Variants in SUPT16H observed in about 807,000 individuals in gnomAD.
The protein encoded by SUPT16H is SPT16 homolog, facilitates chromatin remodeling subunit.
A neutral mutation model predicts 136.2 loss-of-function variants in SUPT16H; 24 were observed. The observed-to-expected ratio is 0.18, with a 90% CI of 0.13 to 0.25. The LOEUF is 0.25. SUPT16H is among the 10% of genes least tolerant of loss of function. SUPT16H has a pLI of 1.00. For missense variants in SUPT16H, 623 were observed against 1,270.2 expected (o/e 0.49, Z 7.74); for synonymous variants, 415 against 428.2 (o/e 0.97, Z 0.38).
chr14:21,359,655 G>GT, intron 18 of SUPT16H, 46 bp from the exon 19 acceptor site: 1 of 1,594,952 alleles, frequency 6.3e-7, no homozygotes, highest in Non-Finnish European at 8.5e-7. Flanking sequence ...AAACACAAAG[G>GT]TATCTGTGAT....
intron 6 of SUPT16H, among the ~76,000 whole-genome samples, 181 bp downstream of exon 6, chr14:21,369,023 T>C (rs564395185): frequency 1.3e-5 from 2 of 152,280 alleles, no homozygotes; most frequent in South Asian, 4.1e-4. Context: ...GTAGGGTGAC[T>C]ATACTTAACA....
chr14:21,363,052 C>T lies in SUPT16H; in HGVS notation c.1493G>A (p.Gly498Glu). 6.2e-7 allele frequency: 1 copy of T among 1,614,006 alleles called. No individual in the cohort carries two copies. The highest frequency in any genetic ancestry group is 8.5e-7 in the Non-Finnish European group (1 of 1,180,016). Reference protein sequence around the residue: ...EAKRRLTEQKGEQQIQKARKS... With the variant: ...EAKRRLTEQKEEQQIQKARKS... Reference sequence around the variant, plus strand: ...CTCTTACTTCTGAATCTGCTGTTCTCCCTTTTGTTCAGTCAATCGCCTCTT... The same window carrying T: ...CTCTTACTTCTGAATCTGCTGTTCTTCCTTTTGTTCAGTCAATCGCCTCTT... The change falls in exon 13 of 26, where the codon GGA becomes GAA. Residue 498 changes from glycine (G) to glutamate (E), a missense_variant. Coordinates refer to ENST00000216297, the MANE Select transcript of SUPT16H (RefSeq NM_007192.4).
chr14:21,383,783 A>G (rs746798195), intron 1 of SUPT16H, 79 bp downstream of exon 1: 8 of 1,541,732 alleles, frequency 5.2e-6, no homozygotes, highest in South Asian at 2.2e-5. Context: ...ACCGAAAGAG[A>G]AAAAAGGGCG....
chr14:21,368,559 T>A, intron 6 of SUPT16H, 118 bp from the exon 7 acceptor site: 1 of 1,137,806 alleles, frequency 8.8e-7, no homozygotes, highest in East Asian at 2.8e-5. Flanking sequence ...AAGCTGTGGC[T>A]GAATAAGGAC....
intron 5 of SUPT16H, 176 bp from the exon 6 acceptor site, chr14:21,369,531 TTAC>T: frequency 1.0e-6 from 1 of 952,472 alleles, no homozygotes; most frequent in Non-Finnish European, 1.6e-6. Context: ...TATGTAGGAC[TTAC>T]AGCTATTCCT....
At position 21,365,151 on chromosome 14, in the gene SUPT16H, GA is replaced by G; in HGVS notation, c.1047-9del. 2 of 1,612,744 alleles carry G rather than the reference GA, an allele frequency of 1.2e-6. No individual in the cohort carries two copies. Among genetic ancestry groups the G allele is most frequent in the Non-Finnish European group, 1.7e-6 (2 of 1,179,198 alleles). The stretch of plus-strand genomic sequence containing the variant: ...TCAATTCCCATCCCAAACCTGAAAA[GA>G]AACAGATAAACATCAGCAAAAGGCT... On this transcript the variant is annotated splice_polypyrimidine_tract_variant and intron_variant, in intron 8 of 25. Transcript: ENST00000216297.
chr14:21,365,821 G>A (rs1001319973), intron 8 of SUPT16H, among the ~76,000 whole-genome samples: 10 of 152,044 alleles, frequency 6.6e-5, no homozygotes, highest in African/African-American at 1.9e-4. Context: ...ACAAACAAAC[G>A]GCCAGGCACA....
intron 1 of SUPT16H, among the ~76,000 whole-genome samples, chr14:21,378,709 C>T (rs1886957231): frequency 6.6e-6 from 1 of 152,034 alleles, no homozygotes; most frequent in African/African-American, 2.4e-5. Flanking sequence ...TAAAAATTCA[C>T]AAATCAAGAA....
At chr14:21,376,626 T>C (rs1886907450) in intron 1 of SUPT16H, among the ~76,000 whole-genome samples, 1 of 152,148 alleles carries the variant, frequency 6.6e-6, no homozygotes, top group Non-Finnish European at 1.5e-5. Flanking sequence ...GAAATAGTAA[T>C]GGCACTTAAA....
chr14:21,383,893 C>G lies in SUPT16H; in HGVS notation c.35G>C (p.Arg12Pro). 6.2e-7 allele frequency: 1 copy of G among 1,613,326 alleles called. No homozygotes were observed. The highest frequency in any genetic ancestry group is 8.5e-7 in the Non-Finnish European group (1 of 1,180,034). The change falls in exon 1 of 26, where the codon CGG becomes CCG. Residue 12 changes from arginine (R) to proline (P), a missense_variant. Coordinates refer to ENST00000216297, the MANE Select transcript of SUPT16H (RefSeq NM_007192.4). ...ATTGCTGTACAGTCTCTTCACTCGC[C>G]GATAATAAGCGTCTTTGTCCAGAGT... is the stretch of plus-strand genomic sequence containing the variant. ...AVTLDKDAYY[R>P]RVKRLYSNWR...
chr14:21,363,166 C>G lies in SUPT16H; in HGVS notation c.1396-17G>C, dbSNP rs202126388. 3.3e-5 allele frequency: 54 copies of G among 1,613,778 alleles called. No individual in the cohort carries two copies. Among genetic ancestry groups the G allele is most frequent in the Non-Finnish European group, 4.5e-5 (53 of 1,180,022 alleles). On this transcript the variant is annotated splice_polypyrimidine_tract_variant and intron_variant, in intron 12 of 25. Transcript: ENST00000216297. ...CATTTCATTCTGGTGAATGGAAAAT[C>G]CAATTTATCACAACACGTGAGCCAT... is the stretch of plus-strand genomic sequence containing the variant.
At chr14:21,366,628 T>A in intron 7 of SUPT16H, 99 bp from the exon 8 acceptor site, 1 of 1,129,112 alleles carries the variant, frequency 8.9e-7, no homozygotes, top group Non-Finnish European at 1.3e-6. Context: ...GCAGTGTTTC[T>A]CAAAGTGTGA....
At chr14:21,383,472 G>T in intron 1 of SUPT16H, 1 of 569,646 alleles carries the variant, frequency 1.8e-6, no homozygotes, top group Non-Finnish European at 3.1e-6. Context: ...ATCCTGGCGG[G>T]ACCAGGGGTG....
At chr14:21,374,996 G>A (rs113902631) in intron 1 of SUPT16H, among the ~76,000 whole-genome samples, 14 of 152,160 alleles carry the variant, frequency 9.2e-5, no homozygotes, top group African/African-American at 3.1e-4. Flanking sequence ...GCCATATAAT[G>A]AGTGTAAATT....
At chr14:21,362,771 C>A (rs370294554) in intron 14 of SUPT16H, 23 bp downstream of exon 14, 10 of 1,579,400 alleles carry the variant, frequency 6.3e-6, no homozygotes, top group Non-Finnish European at 8.6e-6. Context: ...TTGGATGAAA[C>A]CTGATGCACT....
intron 2 of SUPT16H, 75 bp downstream of exon 2, chr14:21,373,263 T>A: frequency 8.3e-7 from 1 of 1,200,686 alleles, no homozygotes; most frequent in East Asian, 2.4e-5. Context: ...TAAGTTTTAA[T>A]GTGGCTACCA....
chr14:21,378,173 G>A (rs1316595066), intron 1 of SUPT16H, among the ~76,000 whole-genome samples: 1 of 151,706 alleles, frequency 6.6e-6, no homozygotes, highest in African/African-American at 2.4e-5. Context: ...AATGTGGGGG[G>A]TGGAAGTGGG....
In SUPT16H at chr14:21,361,120, C is replaced by T. The variant is rs751912552; in HGVS notation, c.1887G>A (p.Gln629=). Residue 629 remains glutamine, a synonymous_variant, in exon 16 of 26, where the codon CAG becomes CAA. Transcript: ENST00000216297. ...CAGCTTCTCGAGTTTTATAACGTTT[C>T]TGTACTTCTTTAATAATTCGGAAAG... The part of the protein sequence containing the change: ...QNAFRIIKEV[Q]KRYKTREAEE... 34 of 1,614,010 alleles carry T rather than the reference C, an allele frequency of 2.1e-5. No individual in the cohort carries two copies. The highest frequency in any genetic ancestry group is 2.8e-5 in the Non-Finnish European group (33 of 1,180,046).
intron 1 of SUPT16H, among the ~76,000 whole-genome samples, chr14:21,379,441 G>A (rs201363103): frequency 0.012 from 1,636 of 132,868 alleles, no homozygotes; most frequent in Middle Eastern, 0.019. Context: ...CTCAAAAAAA[G>A]AAAAAAAAAA....
Sources: allele counts gnomAD v4.1 joint callset (sites outside exome capture counted in the v4.1 genomes callset), GRCh38; gene constraint gnomAD v4.1.1; transcripts MANE v1.5; gene names NCBI Gene and HGNC (gene_info 2026-07-23, HGNC 2026-07-21).